Variants in IFT57 observed in about 807,000 individuals in gnomAD.
The protein encoded by IFT57 is intraflagellar transport 57, also known as intraflagellar transport protein 57 homolog.
In IFT57, 59 loss-of-function variants were observed where a neutral mutation model predicts 56.8. The ratio of observed to expected loss-of-function variants is 1.04; its 90% CI spans 0.84 to 1.29. The LOEUF is 1.29. Ranked by LOEUF, IFT57 falls within the 50% of genes most tolerant of loss-of-function variation. The probability of loss-of-function intolerance (pLI) is 0.00; values close to 1 mark genes in which losing one functional copy is unlikely to be tolerated. For missense variants in IFT57, 470 were observed against 522.1 expected (o/e 0.90, Z 0.97); for synonymous variants, 209 against 186.1 (o/e 1.12, Z -1.00).
Position 108,167,835 on chromosome 3 carries a change from G to A in IFT57, c.807C>T (p.His269=), listed in dbSNP as rs537974143. Residue 269 remains histidine (H), a synonymous_variant, in exon 7 of 11, where the codon CAC becomes CAT. Transcript: ENST00000264538. The part of the protein sequence containing the change: ...KDWRIHVDQM[H]QHRSGIESAL... ...CAGATTCAATTCCACTTCTGTGCTG[G>A]TGCATTTGGTCAACATGGATTCTCC... is the stretch of plus-strand genomic sequence containing the variant. The A allele has an allele frequency of 1.3e-6, 2 of 1,590,748 alleles. No individual in the cohort carries two copies. The highest frequency in any genetic ancestry group is 1.1e-5 in the South Asian group (1 of 88,018).
chr3:108,192,299 A>G (rs1291317041), intron 5 of IFT57, among the ~76,000 whole-genome samples: 1 of 151,266 alleles, frequency 6.6e-6, no homozygotes, highest in Non-Finnish European at 1.5e-5. Context: ...CAAAATTTGT[A>G]TTCATAATTG....
At position 108,166,965 on chromosome 3, in the gene IFT57, A is replaced by T. The variant is rs1388200119; in HGVS notation, c.870T>A (p.His290Gln). The T allele has an allele frequency of 6.2e-7, 1 of 1,608,706 alleles. No homozygotes were observed. The highest frequency in any genetic ancestry group is 2.2e-5 in the East Asian group (1 of 44,742). ...TTTCCAAAGTCCTAGTAATTTCATT[A>T]TGGAGTTTGTCCAAAAATCCCTAGA... ...KETKGFLDKLHNEITRTLEKI... is the reference protein window; with the variant it reads ...KETKGFLDKLQNEITRTLEKI... Residue 290 changes from histidine (H) to glutamine (Q), a missense_variant, in exon 8 of 11, where the codon CAT becomes CAA. Coordinates refer to ENST00000264538, the MANE Select transcript of IFT57 (RefSeq NM_018010.4).
chr3:108,220,790 T>G (rs1007837696), intron 1 of IFT57, among the ~76,000 whole-genome samples: 3 of 152,150 alleles, frequency 2.0e-5, no homozygotes, highest in Non-Finnish European at 2.9e-5. Context: ...TCTAGTAAGT[T>G]CCCAGGTGAT....
intron 6 of IFT57, among the ~76,000 whole-genome samples, chr3:108,178,850 ACATACTTACAC>A (rs1486488302): frequency 1.3e-5 from 2 of 151,914 alleles, no homozygotes; most frequent in African/African-American, 4.8e-5. Context: ...ACAGCTGATC[ACATACTTACAC>A]CATGACCTAG....
At chr3:108,171,553 G>A (rs1289444617) in intron 6 of IFT57, among the ~76,000 whole-genome samples, 1 of 151,736 alleles carries the variant, frequency 6.6e-6, no homozygotes, top group Admixed American at 6.6e-5. Context: ...CTAGTGTAAC[G>A]TTTTCATTTT....
At chr3:108,220,196 G>A (rs1487643624) in intron 1 of IFT57, among the ~76,000 whole-genome samples, 1 of 152,228 alleles carries the variant, frequency 6.6e-6, no homozygotes, top group East Asian at 1.9e-4. Flanking sequence ...TTAAGAACCT[G>A]TGAATGTCAC....
chr3:108,211,342 A>C (rs1364008468), intron 4 of IFT57, among the ~76,000 whole-genome samples: 1 of 152,246 alleles, frequency 6.6e-6, no homozygotes, highest in Non-Finnish European at 1.5e-5. Flanking sequence ...ATATATGAGT[A>C]CTTAATTTCT....
At chr3:108,190,821 C>T (rs2080211207) in intron 6 of IFT57, among the ~76,000 whole-genome samples, 1 of 152,178 alleles carries the variant, frequency 6.6e-6, no homozygotes, top group Non-Finnish European at 1.5e-5. Flanking sequence ...GAGATGGAAT[C>T]TCGCTCTGTC....
At chr3:108,194,212 C>A (rs35710439) in intron 5 of IFT57, among the ~76,000 whole-genome samples, 36,036 of 151,946 alleles carry the variant, frequency 0.24, 5,876 homozygotes, top group Non-Finnish European at 0.34. Context: ...CAACAGTGAA[C>A]AATTTGAAGT....
chr3:108,179,771 G>A (rs191525006), intron 6 of IFT57, among the ~76,000 whole-genome samples: 1 of 152,132 alleles, frequency 6.6e-6, no homozygotes, highest in Non-Finnish European at 1.5e-5. Context: ...ATTATAGAAT[G>A]TGGCTTTCCT....
chr3:108,216,938 A>G (rs1318209564), intron 3 of IFT57, among the ~76,000 whole-genome samples: 2 of 152,046 alleles, frequency 1.3e-5, no homozygotes, highest in Non-Finnish European at 2.9e-5. Context: ...GGGTAGGGGG[A>G]AGGGAGAATA....
chr3:108,222,254 T>A lies in IFT57; in HGVS notation c.69A>T (p.Glu23Asp), dbSNP rs769585121. The A allele has an allele frequency of 4.3e-6, 7 of 1,613,918 alleles. No homozygotes were observed. The highest frequency in any genetic ancestry group is 1.7e-5 in the Admixed American group (1 of 60,012). ...GCTCCAAGACCACTTCCCCGGTCCC[T>A]TCGCCACGGGACCTAGGCACCCCAT... Reference protein sequence around the residue: ...LEDGVPRSRGEGTGEVVLERG... With the variant: ...LEDGVPRSRGDGTGEVVLERG... Residue 23 changes from glutamate (E) to aspartate (D), a missense_variant, in exon 1 of 11, where the codon GAA becomes GAT. By Grantham distance (45) the Glu-to-Asp change is conservative (BLOSUM62 2). Transcript: ENST00000264538.
intron 1 of IFT57, 96 bp from the exon 2 acceptor site, chr3:108,219,668 T>C: frequency 4.6e-6 from 6 of 1,302,134 alleles, no homozygotes; most frequent in Non-Finnish European, 6.5e-6. Context: ...TCCAACAATC[T>C]TTCTTCCCCC....
Position 108,222,104 on chromosome 3 carries a change from C to T in IFT57, c.212+7G>A, listed in dbSNP as rs372276110. 2.4e-5 allele frequency: 38 copies of T among 1,590,612 alleles called. No homozygotes were observed. The African/African-American group carries it at 4.9e-4, about 20-fold the overall frequency. On this transcript the variant is annotated splice_region_variant and intron_variant, in intron 1 of 10. Coordinates refer to ENST00000264538, the MANE Select transcript of IFT57 (RefSeq NM_018010.4). ...GCACCCGGGCGCTCGGGGACGCCGG[C>T]ACCCACCTGGACGGGGCCTTCAGGT...
chr3:108,205,680 G>T (rs2080305257), intron 5 of IFT57, among the ~76,000 whole-genome samples: 1 of 148,374 alleles, frequency 6.7e-6, no homozygotes, highest in South Asian at 2.1e-4. Flanking sequence ...TTAAATAAAG[G>T]ACTAATAGAG....
intron 5 of IFT57, among the ~76,000 whole-genome samples, chr3:108,205,865 CAT>C (rs2080307481): frequency 2.3e-5 from 3 of 129,750 alleles, no homozygotes; most frequent in Non-Finnish European, 3.2e-5. Flanking sequence ...ATTTATATAA[CAT>C]ATTTATTATA....
rs549271519 is a variant in IFT57 at position 108,201,274 on chromosome 3, C to T, written c.654+5354G>A. ...CTTTTTGCTAGGCCCACAATGAAAC[C>T]AAGAAGAAAATAAAGATCTCTCTTA... On this transcript the variant is annotated intron_variant, in intron 5 of 10. Coordinates refer to ENST00000264538, the MANE Select transcript of IFT57 (RefSeq NM_018010.4). Among the ~76,000 whole-genome samples, 30 of 152,164 alleles carry T rather than the reference C, an allele frequency of 2.0e-4. 1 individual carries two copies. Among genetic ancestry groups the T allele is most frequent in the African/African-American group, 6.7e-4 (28 of 41,512 alleles).
chr3:108,191,676 T>C lies in IFT57; in HGVS notation c.655-33A>G, dbSNP rs749468576. 2.6e-6 allele frequency: 4 copies of C among 1,552,970 alleles called. No individual in the cohort carries two copies. The Admixed American group carries it at 7.6e-5, about 30-fold the overall frequency. ...AGGAAAGATATCACAAGATTGAGAG[T>C]TTATAAAAAGAAATGGTAAAAATTT... On this transcript the variant is annotated intron_variant, in intron 5 of 10. Transcript: ENST00000264538.
intron 6 of IFT57, among the ~76,000 whole-genome samples, chr3:108,172,143 A>T (rs1462322787): frequency 1.3e-5 from 2 of 151,872 alleles, no homozygotes; most frequent in African/African-American, 4.8e-5. Context: ...CACTGATGTA[A>T]AACTCCATGG....
Sources: gnomAD v4.1 joint callset for allele counts (sites outside exome capture counted in the v4.1 genomes callset) on GRCh38, gnomAD v4.1.1 for gene constraint, MANE v1.5 for transcripts, NCBI Gene and HGNC (gene_info 2026-07-23, HGNC 2026-07-21) for gene names.